SORCS3: variants seen among roughly 807,000 people sequenced by gnomAD.
SORCS3 encodes VPS10 domain-containing receptor SorCS3.
SORCS3 carries 57 observed loss-of-function variants against 146.3 expected under a neutral mutation model. That is an observed-to-expected ratio of 0.39 (90% confidence interval 0.31 to 0.49). The LOEUF (loss-of-function observed/expected upper bound fraction) is 0.49. Among genes scored for constraint, SORCS3 ranks in the 20% least tolerant of loss-of-function variants. SORCS3 has a pLI of 0.92. For missense variants in SORCS3, 1,341 were observed against 1,575.5 expected, an observed-to-expected ratio of 0.85 and a Z score of 2.52; for synonymous variants, 653 against 618.5, an observed-to-expected ratio of 1.06 and a Z score of -0.83.
At chr10:104,968,570 T>C (rs1186084412) in intron 3 of SORCS3, among the ~76,000 whole-genome samples, 1 of 152,204 alleles carries the variant, frequency 6.6e-6, no homozygotes, top group Non-Finnish European at 1.5e-5. Context: ...GCAGTTCTCA[T>C]GTCAGGACAA....
chr10:104,691,532 T>G (rs1368158327), intron 1 of SORCS3, among the ~76,000 whole-genome samples: 1 of 152,176 alleles, frequency 6.6e-6, no homozygotes, highest in East Asian at 1.9e-4. Flanking sequence ...GTCTGGACCA[T>G]TTGACCCTGG....
chr10:104,860,057 T>G, intron 2 of SORCS3, among the ~76,000 whole-genome samples: 2 of 112,618 alleles, frequency 1.8e-5, no homozygotes, highest in African/African-American at 6.4e-5. Context: ...GACCCAGCCA[T>G]CCCATTACTG....
chr10:104,774,530 T>G (rs545787855), intron 1 of SORCS3, among the ~76,000 whole-genome samples: 2 of 152,276 alleles, frequency 1.3e-5, no homozygotes, highest in African/African-American at 4.8e-5. Context: ...GGGAAATGGC[T>G]TTCGCGGGTG....
chr10:105,200,215 G>A, intron 15 of SORCS3, 99 bp downstream of exon 15: 1 of 893,714 alleles, frequency 1.1e-6, no homozygotes. Context: ...GGGGAGGAAG[G>A]TAGTGGGTCA....
chr10:105,163,674 G>A (rs2056285811), intron 11 of SORCS3, among the ~76,000 whole-genome samples: 2 of 152,140 alleles, frequency 1.3e-5, no homozygotes, highest in Admixed American at 6.6e-5. Context: ...AGGGATGGAA[G>A]CAGCAAGTAT....
intron 3 of SORCS3, among the ~76,000 whole-genome samples, chr10:104,936,628 C>T (rs896877500): frequency 2.0e-5 from 3 of 152,090 alleles, no homozygotes; most frequent in South Asian, 2.1e-4. Context: ...ATTTATGTGT[C>T]GGGATGTTAG....
chr10:104,814,177 C>T (rs1490079577), intron 1 of SORCS3, among the ~76,000 whole-genome samples: 3 of 152,074 alleles, frequency 2.0e-5, no homozygotes, highest in Non-Finnish European at 4.4e-5. Context: ...GGAGTTAAAT[C>T]AGCTTTCCTT....
At chr10:105,041,570 A>G (rs911438658) in intron 4 of SORCS3, among the ~76,000 whole-genome samples, 1 of 151,266 alleles carries the variant, frequency 6.6e-6, no homozygotes, top group Non-Finnish European at 1.5e-5. Flanking sequence ...AGACAAAAAT[A>G]GTTTTATGGC....
intron 1 of SORCS3, among the ~76,000 whole-genome samples, chr10:104,796,221 C>A (rs977000077): frequency 6.6e-6 from 1 of 152,232 alleles, no homozygotes; most frequent in African/African-American, 2.4e-5. Flanking sequence ...GAAAGCCTGT[C>A]CATGCTTTAC....
At chr10:105,160,525 G>T (rs1284340986) in intron 11 of SORCS3, among the ~76,000 whole-genome samples, 2 of 152,154 alleles carry the variant, frequency 1.3e-5, no homozygotes, top group African/African-American at 4.8e-5. Flanking sequence ...TACTAGGGAG[G>T]CTGAGGCAGT....
At chr10:105,129,331 C>CTTTTTT (rs71022753) in intron 7 of SORCS3, among the ~76,000 whole-genome samples, 1 of 104,634 alleles carries the variant, frequency 9.6e-6, no homozygotes, top group African/African-American at 3.9e-5. Context: ...CTTTCTTTCT[C>CTTTTTT]TTTTTTTTTT....
intron 1 of SORCS3, among the ~76,000 whole-genome samples, chr10:104,758,013 A>T (rs774870073): frequency 6.6e-6 from 1 of 152,160 alleles, no homozygotes; most frequent in Non-Finnish European, 1.5e-5. Flanking sequence ...TGGAACATAA[A>T]AACAGGAGAA....
chr10:104,785,739 C>T (rs2133496160), intron 1 of SORCS3, among the ~76,000 whole-genome samples: 1 of 152,268 alleles, frequency 6.6e-6, no homozygotes, highest in Non-Finnish European at 1.5e-5. Context: ...TCCATTCAAT[C>T]CCATTCCATC....
chr10:105,080,145 A>T lies in SORCS3; in HGVS notation c.1029-9630A>T, dbSNP rs77340462. On this transcript the variant is annotated intron_variant, in intron 5 of 26. Transcript: ENST00000369701. ...TTGAGGAATCACCACACTACTTCCCACAGCAGCTGAACTAATTTACACTCA... is the reference window on the plus strand; with the variant it reads ...TTGAGGAATCACCACACTACTTCCCTCAGCAGCTGAACTAATTTACACTCA... Among the ~76,000 whole-genome samples, 497 of 152,290 alleles carry T rather than the reference A, an allele frequency of 3.3e-3. 3 individuals carry two copies. Among genetic ancestry groups the T allele is most frequent in the African/African-American group, 0.011 (449 of 41,578 alleles).
intron 17 of SORCS3, 96 bp downstream of exon 17, chr10:105,211,346 A>G (rs1431310663): frequency 1.2e-6 from 1 of 823,344 alleles, no homozygotes; most frequent in African/African-American, 1.7e-5. Context: ...CAATGGAGTG[A>G]AGATGGAGTC....
intron 1 of SORCS3, among the ~76,000 whole-genome samples, chr10:104,751,781 A>T (rs1188118385): frequency 2.0e-5 from 3 of 151,456 alleles, no homozygotes; most frequent in African/African-American, 7.3e-5. Flanking sequence ...GTAGTCTGAT[A>T]TGAGGAGGGA....
intron 22 of SORCS3, 144 bp from the exon 23 acceptor site, chr10:105,252,631 C>G: frequency 1.1e-6 from 1 of 909,246 alleles, no homozygotes; most frequent in Non-Finnish European, 1.7e-6. Flanking sequence ...GAAAGAAAGC[C>G]TGAATGTATA....
At chr10:104,980,994 G>C (rs777593018) in intron 4 of SORCS3, among the ~76,000 whole-genome samples, 1 of 152,192 alleles carries the variant, frequency 6.6e-6, no homozygotes, top group Non-Finnish European at 1.5e-5. Context: ...CCAAGGCCTG[G>C]GTGTGGGGAA....
At chr10:105,202,440 C>T (rs1194662768) in intron 16 of SORCS3, among the ~76,000 whole-genome samples, 1 of 152,122 alleles carries the variant, frequency 6.6e-6, no homozygotes, top group East Asian at 1.9e-4. Flanking sequence ...TGGCCGGCAC[C>T]TTTGAGTCAC....
Sources: allele counts gnomAD v4.1 joint callset (sites outside exome capture counted in the v4.1 genomes callset), GRCh38; gene constraint gnomAD v4.1.1; transcripts MANE v1.5; gene names NCBI Gene and HGNC (gene_info 2026-07-23, HGNC 2026-07-21).